The following SPHKAP variants were observed in gnomAD, a reference collection of about 807,000 sequenced individuals.
The protein encoded by SPHKAP is SPHK1 interactor, AKAP domain containing, also known as A-kinase anchor protein SPHKAP.
In SPHKAP, 67 loss-of-function variants were observed where a neutral mutation model predicts 137.5. The ratio of observed to expected loss-of-function variants is 0.49; its 90% CI spans 0.40 to 0.60. SPHKAP has a LOEUF of 0.60. SPHKAP is among the 20% of genes least tolerant of loss of function. The pLI is 0.00. For synonymous variants in SPHKAP, 813 were observed against 785.3 expected (o/e 1.04, Z -0.59); for missense variants, 2,097 against 2,069.3 (o/e 1.01, Z -0.26).
In SPHKAP at chr2:228,016,915, G is replaced by A. The variant is rs868314003; in HGVS notation, c.3939C>T (p.Ser1313=). The change falls in exon 7 of 12, where the codon TCC becomes TCT. Residue 1313 remains serine, a synonymous_variant. Transcript: ENST00000392056. ...TGTTCTTGCGCATGAGAGCCTCAAT[G>A]GAGCTAGCCCACGTTTCATGAATTA... The part of the protein sequence containing the change: ...NMLIHETWAS[S]IEALMRKNKI... The A allele has an allele frequency of 1.2e-6, 2 of 1,614,126 alleles. No homozygotes were observed. The highest frequency in any genetic ancestry group is 1.7e-5 in the Admixed American group (1 of 60,010).
chr2:227,999,508 C>A (rs1017078478), intron 7 of SPHKAP, among the ~76,000 whole-genome samples: 2 of 152,132 alleles, frequency 1.3e-5, no homozygotes, highest in Non-Finnish European at 2.9e-5. Context: ...AAAGTCATTT[C>A]CTGGACCAAT....
chr2:228,062,312 A>G (rs527497180), intron 3 of SPHKAP, among the ~76,000 whole-genome samples: 1 of 152,006 alleles, frequency 6.6e-6, no homozygotes, highest in African/African-American at 2.4e-5. Flanking sequence ...TTTAGTACAG[A>G]CAGTGTTTCA....
At chr2:228,006,847 AAC>A (rs1472190472) in intron 7 of SPHKAP, among the ~76,000 whole-genome samples, 2 of 152,212 alleles carry the variant, frequency 1.3e-5, no homozygotes, top group African/African-American at 4.8e-5. Flanking sequence ...GAGGCTGCAG[AAC>A]AGTGAATATT....
intron 1 of SPHKAP, among the ~76,000 whole-genome samples, chr2:228,146,512 A>G (rs1285482359): frequency 1.3e-5 from 2 of 152,138 alleles, no homozygotes; most frequent in African/African-American, 4.8e-5. Flanking sequence ...AGATTATTTC[A>G]TCACCCAGGT....
chr2:228,104,226 ATATGT>A (rs10584813), intron 3 of SPHKAP, among the ~76,000 whole-genome samples: 22,525 of 145,686 alleles, frequency 0.15, 2,001 homozygotes, highest in East Asian at 0.31. Context: ...ATTAAATATT[ATATGT>A]TATATCATTA....
At chr2:228,154,741 A>G (rs1172357518) in intron 1 of SPHKAP, among the ~76,000 whole-genome samples, 1 of 121,506 alleles carries the variant, frequency 8.2e-6, no homozygotes, top group Non-Finnish European at 1.8e-5. Flanking sequence ...TTGTATTTTC[A>G]TTAGAGACGG....
chr2:228,065,954 A>G (rs2106294065), intron 3 of SPHKAP, among the ~76,000 whole-genome samples: 1 of 152,324 alleles, frequency 6.6e-6, no homozygotes, highest in South Asian at 2.1e-4. Flanking sequence ...ATGATGGTGC[A>G]GCTGTGCAAA....
At chr2:228,109,791 C>A (rs13409828) in intron 2 of SPHKAP, among the ~76,000 whole-genome samples, 1 of 151,416 alleles carries the variant, frequency 6.6e-6, no homozygotes, top group Non-Finnish European at 1.5e-5. Flanking sequence ...CATGGTGGGA[C>A]CTCGTTTCTA....
chr2:228,179,707 A>G (rs1700844286), intron 1 of SPHKAP, among the ~76,000 whole-genome samples: 1 of 152,244 alleles, frequency 6.6e-6, no homozygotes, highest in Non-Finnish European at 1.5e-5. Context: ...ATAGGCCACT[A>G]CAAGATACAG....
chr2:228,024,831 G>C (rs1361594619), intron 5 of SPHKAP, among the ~76,000 whole-genome samples: 1 of 152,044 alleles, frequency 6.6e-6, no homozygotes, highest in African/African-American at 2.4e-5. Context: ...TAATAGGAAT[G>C]AACATGAGTG....
At chr2:228,025,590 C>G (rs1266583823) in intron 4 of SPHKAP, 62 bp from the exon 5 acceptor site, 45 of 1,579,418 alleles carry the variant, frequency 2.8e-5, no homozygotes, top group Middle Eastern at 3.4e-4. Flanking sequence ...TACTCACAAA[C>G]TACTTTACCT....
chr2:228,122,361 A>T (rs1049122585), intron 2 of SPHKAP, among the ~76,000 whole-genome samples: 5 of 152,136 alleles, frequency 3.3e-5, no homozygotes, highest in African/African-American at 1.2e-4. Flanking sequence ...AGTGAAAATG[A>T]TGCTCAAGGA....
chr2:228,140,245 C>A (rs1699561606), intron 1 of SPHKAP, among the ~76,000 whole-genome samples: 1 of 146,776 alleles, frequency 6.8e-6, no homozygotes, highest in Admixed American at 7.0e-5. Flanking sequence ...CTGCACCCGG[C>A]CTAGAGTTAT....
intron 1 of SPHKAP, among the ~76,000 whole-genome samples, chr2:228,161,931 T>C (rs1202193790): frequency 1.3e-5 from 2 of 152,220 alleles, no homozygotes; most frequent in African/African-American, 4.8e-5. Context: ...CTAGGCTTTC[T>C]ATCTATTGCA....
At chr2:228,136,780 G>A (rs1282298488) in intron 1 of SPHKAP, among the ~76,000 whole-genome samples, 1 of 152,134 alleles carries the variant, frequency 6.6e-6, no homozygotes, top group African/African-American at 2.4e-5. Flanking sequence ...ATTTGCCTGT[G>A]GGACACCATT....
At chr2:228,058,098 T>C (rs1696507424) in intron 3 of SPHKAP, among the ~76,000 whole-genome samples, 1 of 152,200 alleles carries the variant, frequency 6.6e-6, no homozygotes, top group African/African-American at 2.4e-5. Context: ...ATTTCTTTTT[T>C]TGTTCCTGCT....
intron 6 of SPHKAP, 100 bp from the exon 7 acceptor site, chr2:228,020,256 A>G (rs543941622): frequency 1.4e-6 from 2 of 1,454,148 alleles, no homozygotes; most frequent in Non-Finnish European, 1.8e-6. Context: ...ATCAATAAAG[A>G]CACATGCACA....
At chr2:227,986,471 A>T (rs1380202792) in intron 11 of SPHKAP, among the ~76,000 whole-genome samples, 1 of 152,138 alleles carries the variant, frequency 6.6e-6, no homozygotes, top group Non-Finnish European at 1.5e-5. Context: ...GGTTCAATGT[A>T]TACTGGTCGG....
chr2:228,014,216 G>T (rs1457667240), intron 7 of SPHKAP, among the ~76,000 whole-genome samples: 1 of 152,100 alleles, frequency 6.6e-6, no homozygotes, highest in East Asian at 1.9e-4. Context: ...CCACTCTTTG[G>T]TTAAAAATCT....
Sources: allele counts gnomAD v4.1 joint callset (sites outside exome capture counted in the v4.1 genomes callset), GRCh38; gene constraint gnomAD v4.1.1; transcripts MANE v1.5; gene names NCBI Gene and HGNC (gene_info 2026-07-23, HGNC 2026-07-21).